Variants in CSMD1 observed in about 807,000 individuals in gnomAD.
CSMD1 encodes CUB and sushi domain-containing protein 1.
Under a neutral mutation model 417.5 loss-of-function variants are expected in CSMD1, and 213 were observed. The observed-to-expected ratio is 0.51, with a 90% CI of 0.46 to 0.57. The LOEUF (loss-of-function observed/expected upper bound fraction) is 0.57, where lower values mean the gene tolerates loss of function less well. Among genes scored for constraint, CSMD1 ranks in the 20% least tolerant of loss-of-function variants. The pLI, the probability that CSMD1 is intolerant of heterozygous loss-of-function variation, is 0.00. For synonymous variants in CSMD1, 2,862 were observed against 1,736.8 expected, an observed-to-expected ratio of 1.65 and a Z score of -16.11; for missense variants, 6,923 against 4,529.7, an observed-to-expected ratio of 1.53 and a Z score of -15.17.
intron 5 of CSMD1, among the ~76,000 whole-genome samples, chr8:3,898,019 G>T (rs184413879): frequency 6.6e-6 from 1 of 152,178 alleles, no homozygotes; most frequent in African/African-American, 2.4e-5. Flanking sequence ...CAGATCCCCA[G>T]TTTGACAATG....
At chr8:3,767,895 TAA>T (rs778183145) in intron 5 of CSMD1, among the ~76,000 whole-genome samples, 2 of 152,204 alleles carry the variant, frequency 1.3e-5, no homozygotes, top group African/African-American at 2.4e-5. Context: ...GGTAAAAAGT[TAA>T]AAAGTTTCCC....
intron 3 of CSMD1, among the ~76,000 whole-genome samples, chr8:4,096,321 A>T (rs895125350): frequency 3.9e-5 from 6 of 152,128 alleles, no homozygotes; most frequent in Non-Finnish European, 7.4e-5. Context: ...TCTGCAGAGG[A>T]AACAACCCAG....
At chr8:4,431,229 T>C (rs1296739801) in intron 2 of CSMD1, among the ~76,000 whole-genome samples, 4 of 152,054 alleles carry the variant, frequency 2.6e-5, no homozygotes, top group African/African-American at 9.7e-5. Context: ...TCAACAACAT[T>C]AAAAAAATAG....
At chr8:4,211,803 G>T (rs935240335) in intron 3 of CSMD1, among the ~76,000 whole-genome samples, 1 of 152,118 alleles carries the variant, frequency 6.6e-6, no homozygotes, top group African/African-American at 2.4e-5. Flanking sequence ...CATACTTCTG[G>T]ACTTTAGATG....
rs182055730 is a variant in CSMD1, at chr8:3,993,646, C to T, written c.818+4257G>A. On this transcript the variant is annotated intron_variant, in intron 5 of 69. Coordinates refer to ENST00000635120, the MANE Select transcript of CSMD1 (RefSeq NM_033225.6). ...AGATAGGCAAAAGGGTCAAGTTATG[C>T]TGGTTCATGAAAAATAGAGCTTACA... Among the ~76,000 whole-genome samples, 5 of 152,280 alleles carry T rather than the reference C, an allele frequency of 3.3e-5. No homozygotes were observed. The East Asian group carries it at 9.7e-4, about 29-fold the overall frequency.
intron 10 of CSMD1, among the ~76,000 whole-genome samples, chr8:3,563,791 A>G (rs1487701528): frequency 1.3e-5 from 2 of 152,096 alleles, no homozygotes; most frequent in Admixed American, 6.6e-5. Flanking sequence ...CGGGAGGCTG[A>G]AGGGGGAGAA....
chr8:4,003,291 G>C (rs1474967670), intron 4 of CSMD1, among the ~76,000 whole-genome samples: 1 of 152,104 alleles, frequency 6.6e-6, no homozygotes, highest in Non-Finnish European at 1.5e-5. Context: ...TACTCGCGAG[G>C]CTGAGGCAGG....
In CSMD1 at chr8:4,637,411, G is replaced by C. The variant is rs1585371382; in HGVS notation, c.233C>G (p.Ala78Gly). 1 of 1,613,886 alleles carries C rather than the reference G, an allele frequency of 6.2e-7. No homozygotes were observed. Among genetic ancestry groups the C allele is most frequent in the Non-Finnish European group, 8.5e-7 (1 of 1,179,864 alleles). Reference protein sequence around the residue: ...NRIQLSFHTFALEEDFDILSV... With the variant: ...NRIQLSFHTFGLEEDFDILSV... ...TAAAATATCAAAATCTTCTTCAAGAGCAAAGGTATGGAAGGACAACTGTAT... is the reference window on the plus strand; with the variant it reads ...TAAAATATCAAAATCTTCTTCAAGACCAAAGGTATGGAAGGACAACTGTAT... The change falls in exon 2 of 70, where the codon GCT becomes GGT. Residue 78 changes from alanine (A) to glycine (G), a missense_variant. Ala to Gly is a moderately conservative substitution (Grantham distance 60). Transcript: ENST00000635120.
intron 26 of CSMD1, among the ~76,000 whole-genome samples, chr8:3,253,169 G>A (rs1261669264): frequency 2.0e-5 from 3 of 151,874 alleles, no homozygotes; most frequent in Admixed American, 1.3e-4. Flanking sequence ...GGCATTTAGT[G>A]CTATAAATTT....
At chr8:3,742,808 G>A (rs1427808323) in intron 6 of CSMD1, among the ~76,000 whole-genome samples, 3 of 152,226 alleles carry the variant, frequency 2.0e-5, no homozygotes, top group Admixed American at 1.3e-4. Flanking sequence ...AACAAACAGA[G>A]AACTCCTCAT....
intron 12 of CSMD1, among the ~76,000 whole-genome samples, chr8:3,439,270 T>C (rs1260205248): frequency 1.5e-5 from 2 of 132,814 alleles, no homozygotes; most frequent in Non-Finnish European, 3.2e-5. Flanking sequence ...TGAGAGCATT[T>C]GGCAATGTCA....
intron 3 of CSMD1, among the ~76,000 whole-genome samples, chr8:4,410,493 T>G (rs1270956520): frequency 6.6e-6 from 1 of 152,206 alleles, no homozygotes; most frequent in Non-Finnish European, 1.5e-5. Context: ...GTCATCTGAT[T>G]TCTAGTTACT....
chr8:4,147,580 G>C (rs934275258), intron 3 of CSMD1, among the ~76,000 whole-genome samples: 6 of 152,106 alleles, frequency 3.9e-5, no homozygotes, highest in Non-Finnish European at 7.3e-5. Flanking sequence ...TAATGATAAT[G>C]ACCCTAATAA....
At chr8:4,175,450 T>C (rs889759870) in intron 3 of CSMD1, among the ~76,000 whole-genome samples, 3 of 145,604 alleles carry the variant, frequency 2.1e-5, no homozygotes, top group Non-Finnish European at 4.6e-5. Context: ...ACATCTTTAT[T>C]TTATGATAGC....
intron 1 of CSMD1, among the ~76,000 whole-genome samples, chr8:4,673,147 G>C (rs577864652): frequency 6.6e-6 from 1 of 152,004 alleles, no homozygotes; most frequent in South Asian, 2.1e-4. Flanking sequence ...ACATTGAGGG[G>C]AAAAAGGGAT....
intron 1 of CSMD1, among the ~76,000 whole-genome samples, chr8:4,775,030 T>C (rs1796778405): frequency 6.6e-6 from 1 of 152,064 alleles, no homozygotes. Context: ...TGGACTAATA[T>C]ATGAACAATA....
chr8:4,831,072 C>T lies in CSMD1; in HGVS notation c.85+163260G>A, dbSNP rs190823003. On this transcript the variant is annotated intron_variant, in intron 1 of 69. Coordinates refer to ENST00000635120, the MANE Select transcript of CSMD1 (RefSeq NM_033225.6). ...TACTTCAACTCCAACCATGCGAACT[C>T]AAAGTGGGAGGGATGTTTTTTCCAT... 3.9e-5 allele frequency among the ~76,000 whole-genome samples: 6 copies of T among 152,278 alleles called. No homozygotes were observed. The East Asian group carries it at 9.7e-4, about 24-fold the overall frequency.
chr8:4,474,322 C>G (rs1299743663), intron 2 of CSMD1, among the ~76,000 whole-genome samples: 3 of 152,008 alleles, frequency 2.0e-5, no homozygotes, highest in Non-Finnish European at 4.4e-5. Flanking sequence ...AAAAAACATA[C>G]CACTCAGACA....
At chr8:3,117,196 G>C (rs1238604338) in intron 42 of CSMD1, among the ~76,000 whole-genome samples, 1 of 152,002 alleles carries the variant, frequency 6.6e-6, no homozygotes, top group Non-Finnish European at 1.5e-5. Flanking sequence ...TCAGCCTCTG[G>C]AGTAGCTGGG....
Sources: gnomAD v4.1 joint callset for allele counts (sites outside exome capture counted in the v4.1 genomes callset) on GRCh38, gnomAD v4.1.1 for gene constraint, MANE v1.5 for transcripts, NCBI Gene and HGNC (gene_info 2026-07-23, HGNC 2026-07-21) for gene names.